UBR4: variants seen among roughly 807,000 people sequenced by gnomAD.
The protein encoded by UBR4 is ubiquitin protein ligase E3 component n-recognin 4, also known as E3 ubiquitin-protein ligase UBR4.
UBR4 carries 124 observed loss-of-function variants against 575.6 expected under a neutral mutation model. The ratio of observed to expected loss-of-function variants is 0.22; its 90% CI spans 0.19 to 0.25. The LOEUF (loss-of-function observed/expected upper bound fraction) is 0.25. Ranked by LOEUF, UBR4 falls within the 10% of genes least tolerant of loss-of-function variation. The pLI is 1.00. For synonymous variants in UBR4, 2,455 were observed against 2,473.7 expected, an observed-to-expected ratio of 0.99 and a Z score of 0.22; for missense variants, 4,818 against 6,478.8, an observed-to-expected ratio of 0.74 and a Z score of 8.80.
chr1:19,170,665 A>T, intron 26 of UBR4, 97 bp downstream of exon 26: 1 of 1,531,040 alleles, frequency 6.5e-7, no homozygotes, highest in Non-Finnish European at 8.9e-7. Context: ...GCTCCAATAA[A>T]TAGTAAACGC....
At chr1:19,170,338 G>T (rs904059573) in intron 26 of UBR4, among the ~76,000 whole-genome samples, 2 of 152,186 alleles carry the variant, frequency 1.3e-5, no homozygotes, top group African/African-American at 4.8e-5. Flanking sequence ...GATGAAGGCC[G>T]CAGTGAGCTG....
At chr1:19,166,737 A>C (rs1383503132) in intron 29 of UBR4, among the ~76,000 whole-genome samples, 7 of 71,610 alleles carry the variant, frequency 9.8e-5, no homozygotes, top group Admixed American at 7.9e-4. Flanking sequence ...AAAAAAAAAA[A>C]AAAAAAAAAA....
intron 25 of UBR4, among the ~76,000 whole-genome samples, chr1:19,171,437 C>G (rs2089522295): frequency 6.8e-6 from 1 of 148,128 alleles, no homozygotes; most frequent in Admixed American, 6.7e-5. Context: ...AAATTTGAGC[C>G]AAAAAAAAAA....
intron 81 of UBR4, 83 bp from the exon 82 acceptor site, chr1:19,107,049 A>C: frequency 1.9e-6 from 3 of 1,557,758 alleles, no homozygotes; most frequent in Non-Finnish European, 2.6e-6. Flanking sequence ...CTGGTGCCCC[A>C]GGGGGTGATG....
chr1:19,141,500 C>T lies in UBR4; in HGVS notation c.8335G>A (p.Ala2779Thr). The change falls in exon 57 of 106, where the codon GCT becomes ACT. Residue 2779 changes from alanine (A) to threonine (T), a missense_variant. Around this residue, in one of 29 missense-constraint regions of UBR4, gnomAD observed 129 missense variants for 198.4 expected, o/e 0.65. Coordinates refer to ENST00000375254, the MANE Select transcript of UBR4 (RefSeq NM_020765.3). ...MVSESMVLET[A>T]ENVNNGNPSP... Reference sequence around the variant, plus strand: ...GGGTTGCCATTGTTGACATTTTCAGCTGTCTCCAGGACCATCGACTCAGAC... The same window carrying T: ...GGGTTGCCATTGTTGACATTTTCAGTTGTCTCCAGGACCATCGACTCAGAC... 6.2e-7 allele frequency: 1 copy of T among 1,611,436 alleles called. No homozygotes were observed. The highest frequency in any genetic ancestry group is 8.5e-7 in the Non-Finnish European group (1 of 1,178,584).
At chr1:19,146,077 T>A in intron 52 of UBR4, 144 bp from the exon 53 acceptor site, 1 of 1,560,958 alleles carries the variant, frequency 6.4e-7, no homozygotes. Context: ...ATCCCTAGAC[T>A]CCAGCAGGCA....
intron 88 of UBR4, among the ~76,000 whole-genome samples, chr1:19,101,277 A>T (rs967014396): frequency 6.6e-6 from 1 of 152,244 alleles, no homozygotes; most frequent in African/African-American, 2.4e-5. Context: ...GTTTTTAAAA[A>T]AACATGATTC....
chr1:19,098,017 T>C (rs1055341949), intron 90 of UBR4, among the ~76,000 whole-genome samples: 1 of 152,234 alleles, frequency 6.6e-6, no homozygotes, highest in Non-Finnish European at 1.5e-5. Flanking sequence ...TATATTAATA[T>C]TATTCTCATT....
rs756043718 is a variant in UBR4 at position 19,121,358 on chromosome 1, G to A, written c.9972C>T (p.Ser3324=). ...GCACCTTGCTGCCGCACAGAGCACAGGAGAGCAGTTGCAGCAGCACTGGGG... is the reference window on the plus strand; with the variant it reads ...GCACCTTGCTGCCGCACAGAGCACAAGAGAGCAGTTGCAGCAGCACTGGGG... The part of the protein sequence containing the change: ...GVSPVLLQLL[S]CALCGSKVLA... Residue 3324 remains serine, a synonymous_variant, in exon 68 of 106, where the codon TCC becomes TCT. Transcript: ENST00000375254. The A allele has an allele frequency of 2.5e-6, 4 of 1,614,180 alleles. No homozygotes were observed. Among genetic ancestry groups the A allele is most frequent in the Non-Finnish European group, 3.4e-6 (4 of 1,180,020 alleles).
At position 19,095,577 on chromosome 1, in the gene UBR4, T is replaced by G. The variant is rs1024186697; in HGVS notation, c.13594A>C (p.Thr4532Pro). 1.9e-6 allele frequency: 3 copies of G among 1,613,988 alleles called. No individual in the cohort carries two copies. The African/African-American group carries it at 4.0e-5, about 22-fold the overall frequency. The change falls in exon 93 of 106, where the codon ACC becomes CCC. Residue 4532 changes from threonine to proline, a missense_variant. This residue lies in a region of UBR4 where 165 missense variants were observed against 282.3 expected (regional missense o/e 0.58). Transcript: ENST00000375254. ...AGGGTCCCCAGCATGACGTTCAAGG[T>G]GTTCATTTCCAGTTTGACCAGTTGC... is the stretch of plus-strand genomic sequence containing the variant. ...RQQLVKLEMN[T>P]LNVMLGTLNL...
rs1310409240 is a variant in UBR4 at position 19,118,000 on chromosome 1, A to G, written c.10542-90T>C. On this transcript the variant is annotated intron_variant, in intron 71 of 105. Coordinates refer to ENST00000375254, the MANE Select transcript of UBR4 (RefSeq NM_020765.3). This position sits in a 1 kb window ranked among gnomAD's most constrained non-coding sequence, Gnocchi z 4.0. ...AAAATCATGACAAAGCCATGGCTCA[A>G]TGTGAGCCAAAGTGAGCCCAAAGTG... The G allele has an allele frequency of 5.4e-6, 7 of 1,287,422 alleles. No homozygotes were observed. Among genetic ancestry groups the G allele is most frequent in the Non-Finnish European group, 6.7e-6 (6 of 895,656 alleles). The allele number at this position is 1,287,422 out of a possible 1,614,324, so 79.7% of individuals were successfully genotyped here. A position where few individuals can be genotyped will look rare whatever the true frequency, so the allele number is the denominator to read the frequency against.
In UBR4 at chr1:19,177,743, C is replaced by T. The variant is rs765416822; in HGVS notation, c.2355G>A (p.Arg785=). The change falls in exon 19 of 106, where the codon AGG becomes AGA. Residue 785 remains arginine, a splice_region_variant and synonymous_variant. Coordinates refer to ENST00000375254, the MANE Select transcript of UBR4 (RefSeq NM_020765.3). The stretch of plus-strand genomic sequence containing the variant: ...CATTCTGCTTCATTGTAGACAAAAA[C>T]CTACCAGAGAGAAAAGATGACTATA... ...DVPECLKVWD[R]FLSTMKQNAL... is the part of the protein sequence containing the mutation. The T allele has an allele frequency of 2.4e-5, 39 of 1,610,864 alleles. No homozygotes were observed. The highest frequency in any genetic ancestry group is 3.2e-5 in the Non-Finnish European group (38 of 1,178,496).
Position 19,155,597 on chromosome 1 carries a change from A to G in UBR4, c.6144T>C (p.Asp2048=), listed in dbSNP as rs1394728787. Residue 2048 remains aspartate, a synonymous_variant, in exon 43 of 106, where the codon GAT becomes GAC. Coordinates refer to ENST00000375254, the MANE Select transcript of UBR4 (RefSeq NM_020765.3). ...CCTCCTCATTGAAAAGGAAGGTAAC[A>G]TCTCTTATCTTTGAGCTTGGCAGGA... The part of the protein sequence containing the change: ...YFLLPSSKIR[D]VTFLFNEEGK... 1.2e-6 allele frequency: 2 copies of G among 1,614,200 alleles called. No individual in the cohort carries two copies. Among genetic ancestry groups the G allele is most frequent in the South Asian group, 2.2e-5 (2 of 91,084 alleles).
At chr1:19,104,056 T>A (rs753395545) in intron 87 of UBR4, 28 bp downstream of exon 87, 10 of 1,611,976 alleles carry the variant, frequency 6.2e-6, no homozygotes, top group Non-Finnish European at 8.5e-6. Flanking sequence ...GACAGTGCCT[T>A]AGGCTCCAGG....
In UBR4 at chr1:19,106,954, C is replaced by T. The variant is rs781427854; in HGVS notation, c.12118G>A (p.Glu4040Lys). 1.2e-6 allele frequency: 2 copies of T among 1,612,136 alleles called. No homozygotes were observed. Among genetic ancestry groups the T allele is most frequent in the Non-Finnish European group, 1.7e-6 (2 of 1,179,878 alleles). The stretch of plus-strand genomic sequence containing the variant: ...TATGGCTTCACCGTGGTGAGGGCCT[C>T]AACGGGGACATCCTGGAGGAGGCAA... ...TSKKNKDVPV[E>K]ALTTVKPYCN... Residue 4040 changes from glutamate (E) to lysine (K), a missense_variant, in exon 82 of 106, where the codon GAG (glutamate) becomes AAG (lysine). Glu to Lys is a moderately conservative substitution (Grantham distance 56, BLOSUM62 1). Around this residue, in one of 29 missense-constraint regions of UBR4, gnomAD observed 333 missense variants for 459.2 expected, o/e 0.73. Coordinates refer to ENST00000375254, the MANE Select transcript of UBR4 (RefSeq NM_020765.3).
At chr1:19,132,814 AGAT>A (rs765653034) in intron 60 of UBR4, among the ~76,000 whole-genome samples, 2 of 152,030 alleles carry the variant, frequency 1.3e-5, no homozygotes, top group Non-Finnish European at 2.9e-5. Context: ...GACATTAAAA[AGAT>A]GAGAGAAAAA....
chr1:19,074,673 G>C lies in UBR4; in HGVS notation c.*159C>G. ...GCACCACACACACGAGATAAAACAG[G>C]AAGCCTAAAAACCCCAAGCCACACC... On this transcript the variant is annotated 3_prime_UTR_variant, in exon 106 of 106. Coordinates refer to ENST00000375254, the MANE Select transcript of UBR4 (RefSeq NM_020765.3). 1.3e-6 allele frequency: 1 copy of C among 784,816 alleles called. No homozygotes were observed. The highest frequency in any genetic ancestry group is 1.7e-5 in the South Asian group (1 of 60,370). 48.6% of individuals were successfully genotyped at this position (784,816 alleles called of 1,614,324 possible). A position where few individuals can be genotyped will look rare whatever the true frequency, so the allele number is the denominator to read the frequency against.
rs576147057 is a variant in UBR4, at chr1:19,156,251, T to G, written c.6072+20A>C. 138 of 1,612,916 alleles carry G rather than the reference T, an allele frequency of 8.6e-5. 2 individuals carry two copies. The South Asian group carries it at 1.4e-3, about 16-fold the overall frequency. ...GTAGAAAAATTCTAGGACCATATCA[T>G]CAAAGAACTGTAACTGTACCTTAAC... On this transcript the variant is annotated intron_variant, in intron 42 of 105. Transcript: ENST00000375254.
intron 17 of UBR4, among the ~76,000 whole-genome samples, chr1:19,180,614 C>A (rs1472939645): frequency 6.7e-6 from 1 of 150,116 alleles, no homozygotes; most frequent in Non-Finnish European, 1.5e-5. Flanking sequence ...ATGGAAAAAT[C>A]AGGAAAAAAA....
Sources: allele counts gnomAD v4.1 joint callset (sites outside exome capture counted in the v4.1 genomes callset), GRCh38; gene constraint gnomAD v4.1.1; regional missense constraint gnomAD v4.1.1; non-coding constraint Gnocchi (gnomAD v3.1); transcripts MANE v1.5; gene names NCBI Gene and HGNC (gene_info 2026-07-23, HGNC 2026-07-21).